The following DLG2 variants were observed in gnomAD, a reference collection of about 807,000 sequenced individuals.
DLG2 encodes disks large homolog 2.
DLG2 carries 45 observed loss-of-function variants against 132.5 expected under a neutral mutation model. The observed-to-expected ratio is 0.34, with a 90% confidence interval of 0.27 to 0.44. DLG2 has a LOEUF of 0.44. DLG2 is among the 20% of genes least tolerant of loss of function. The pLI is 1.00. For missense variants in DLG2, 1,045 were observed against 1,196.9 expected (o/e 0.87, Z 1.87); for synonymous variants, 424 against 419.6 (o/e 1.01, Z -0.13).
chr11:84,762,638 C>G (rs888411259), intron 6 of DLG2, among the ~76,000 whole-genome samples: 3 of 152,182 alleles, frequency 2.0e-5, no homozygotes, highest in African/African-American at 7.2e-5. Context: ...TACCCTGGCA[C>G]TACCTTCCAA....
intron 3 of DLG2, among the ~76,000 whole-genome samples, chr11:85,402,560 C>T (rs1416314584): frequency 3.9e-5 from 6 of 152,154 alleles, no homozygotes; most frequent in Non-Finnish European, 8.8e-5. Flanking sequence ...AGGCAACCTA[C>T]AGAATGGGAG....
At chr11:83,696,363 C>T (rs761837688) in intron 18 of DLG2, among the ~76,000 whole-genome samples, 25 of 152,220 alleles carry the variant, frequency 1.6e-4, no homozygotes, top group South Asian at 1.2e-3. Flanking sequence ...TGTTTCCCAA[C>T]GTGGCAGGTG....
chr11:85,576,300 T>G (rs1256967746), intron 3 of DLG2, among the ~76,000 whole-genome samples: 2 of 152,174 alleles, frequency 1.3e-5, no homozygotes, highest in African/African-American at 4.8e-5. Flanking sequence ...TGATGCTGTT[T>G]TGATTGTTGC....
At chr11:85,598,555 C>A in intron 3 of DLG2, 102 bp downstream of exon 3, 1 of 725,920 alleles carries the variant, frequency 1.4e-6, no homozygotes, top group East Asian at 3.3e-5. Context: ...AAAATTATCC[C>A]AGTTTGAAAC....
intron 6 of DLG2, among the ~76,000 whole-genome samples, chr11:85,051,193 A>T (rs981349372): frequency 6.6e-6 from 1 of 152,162 alleles, no homozygotes; most frequent in Non-Finnish European, 1.5e-5. Context: ...TTAGGACACA[A>T]TGATGTATAA....
rs191370355 is a variant in DLG2 at position 84,574,325 on chromosome 11, A to C, written c.358-39594T>G. 2.4e-3 allele frequency among the ~76,000 whole-genome samples: 359 copies of C among 152,120 alleles called. 3 individuals are homozygous for C. Among genetic ancestry groups the C allele is most frequent in the African/African-American group, 8.4e-3 (350 of 41,494 alleles). On this transcript the variant is annotated intron_variant, in intron 6 of 27. Coordinates refer to ENST00000376104, the MANE Select transcript of DLG2 (RefSeq NM_001142699.3). Reference sequence around the variant, plus strand: ...TGTTATATACAAGATGTTACAGGGCACGTATTATTCCCCTAAACTAATATT... The same window carrying C: ...TGTTATATACAAGATGTTACAGGGCCCGTATTATTCCCCTAAACTAATATT...
intron 3 of DLG2, among the ~76,000 whole-genome samples, chr11:85,331,628 C>T (rs2081755399): frequency 6.6e-6 from 1 of 152,138 alleles, no homozygotes; most frequent in African/African-American, 2.4e-5. Flanking sequence ...CACCTGCCAC[C>T]TGAAGTAGTA....
intron 10 of DLG2, among the ~76,000 whole-genome samples, chr11:84,066,935 T>A (rs1255371242): frequency 6.6e-6 from 1 of 152,124 alleles, no homozygotes; most frequent in Non-Finnish European, 1.5e-5. Flanking sequence ...AAGGGCCACA[T>A]CATGAAGAAA....
chr11:84,529,597 G>A (rs1194860528), intron 7 of DLG2, among the ~76,000 whole-genome samples: 2 of 152,246 alleles, frequency 1.3e-5, no homozygotes, highest in Middle Eastern at 3.4e-3. Context: ...GGAGGTAAAA[G>A]ATCTCTACAA....
At chr11:84,371,833 T>C (rs1434713397) in intron 7 of DLG2, among the ~76,000 whole-genome samples, 4 of 152,192 alleles carry the variant, frequency 2.6e-5, no homozygotes, top group Non-Finnish European at 4.4e-5. Flanking sequence ...GCATGGTATA[T>C]AAGGAAGATT....
At chr11:85,432,251 C>T (rs1221144456) in intron 3 of DLG2, among the ~76,000 whole-genome samples, 1 of 152,136 alleles carries the variant, frequency 6.6e-6, no homozygotes, top group Non-Finnish European at 1.5e-5. Context: ...AACCCAAAAG[C>T]TCAGAGTGCC....
rs1206267849 is a variant in DLG2 at position 85,318,165 on chromosome 11, G to A, written c.41-32800C>T. ...CAATAACTTGTCAAATTTATAAAAT[G>A]TAGTTTTAAGACCAGCTGCATGTGA... is the stretch of plus-strand genomic sequence containing the variant. On this transcript the variant is annotated intron_variant, in intron 3 of 27. Coordinates refer to ENST00000376104, the MANE Select transcript of DLG2 (RefSeq NM_001142699.3). 2.6e-5 allele frequency among the ~76,000 whole-genome samples: 4 copies of A among 151,850 alleles called. No individual in the cohort carries two copies. In the East Asian group the frequency reaches 7.7e-4, roughly 29 times the overall value.
chr11:85,557,543 C>T (rs766125039), intron 3 of DLG2, among the ~76,000 whole-genome samples: 4 of 151,646 alleles, frequency 2.6e-5, no homozygotes, highest in Non-Finnish European at 5.9e-5. Context: ...TCACATTACC[C>T]GACCTCAAAC....
intron 19 of DLG2, among the ~76,000 whole-genome samples, chr11:83,589,691 C>T (rs1224127163): frequency 6.6e-6 from 1 of 151,022 alleles, no homozygotes; most frequent in Non-Finnish European, 1.5e-5. Context: ...AAGACACAGA[C>T]TGGCAAATTG....
chr11:85,074,964 C>G (rs1054954595), intron 6 of DLG2, among the ~76,000 whole-genome samples: 17 of 152,012 alleles, frequency 1.1e-4, no homozygotes. Flanking sequence ...TTACCATGCT[C>G]TCCTTTCCAT....
intron 6 of DLG2, among the ~76,000 whole-genome samples, chr11:84,825,301 C>A: frequency 6.6e-6 from 1 of 151,812 alleles, no homozygotes; most frequent in South Asian, 2.1e-4. Context: ...TGAAGGTAGA[C>A]AGAATTTACT....
chr11:84,461,870 C>G (rs1039944518), intron 7 of DLG2, among the ~76,000 whole-genome samples: 1 of 150,468 alleles, frequency 6.6e-6, no homozygotes, highest in East Asian at 2.0e-4. Context: ...GTTTCTAACA[C>G]CTGGCACAAC....
At chr11:85,589,891 G>C (rs567129954) in intron 3 of DLG2, among the ~76,000 whole-genome samples, 1 of 152,098 alleles carries the variant, frequency 6.6e-6, no homozygotes, top group Non-Finnish European at 1.5e-5. Flanking sequence ...CTGCTCAAGA[G>C]AGTTTGTGCC....
At chr11:83,947,511 C>T (rs2084342257) in intron 14 of DLG2, among the ~76,000 whole-genome samples, 1 of 152,140 alleles carries the variant, frequency 6.6e-6, no homozygotes, top group Middle Eastern at 3.2e-3. Flanking sequence ...CTTAACCTCA[C>T]TCTACCACTC....
Sources: allele counts gnomAD v4.1 joint callset (sites outside exome capture counted in the v4.1 genomes callset), GRCh38; gene constraint gnomAD v4.1.1; transcripts MANE v1.5; gene names NCBI Gene and HGNC (gene_info 2026-07-23, HGNC 2026-07-21).